The following KCNH7 variants were observed in gnomAD, a reference collection of about 807,000 sequenced individuals.
KCNH7 encodes voltage-gated inwardly rectifying potassium channel KCNH7.
KCNH7 carries 49 observed loss-of-function variants against 120.8 expected under a neutral mutation model. The observed-to-expected ratio is 0.41, with a 90% CI of 0.32 to 0.51. The LOEUF (loss-of-function observed/expected upper bound fraction) is 0.51. Ranked by LOEUF, KCNH7 falls within the 20% of genes least tolerant of loss-of-function variation. The probability of loss-of-function intolerance (pLI) is 0.38; values close to 1 mark genes in which losing one functional copy is unlikely to be tolerated. For synonymous variants in KCNH7, 547 were observed against 516.1 expected, an observed-to-expected ratio of 1.06 and a Z score of -0.81; for missense variants, 1,097 against 1,446.6, an observed-to-expected ratio of 0.76 and a Z score of 3.92.
At chr2:162,566,976 GACA>G (rs1044546391) in intron 2 of KCNH7, among the ~76,000 whole-genome samples, 2 of 151,988 alleles carry the variant, frequency 1.3e-5, no homozygotes, top group Non-Finnish European at 2.9e-5. Flanking sequence ...ATTAATACAT[GACA>G]ACAGTGCAAT....
intron 2 of KCNH7, among the ~76,000 whole-genome samples, chr2:162,694,775 G>A (rs896390183): frequency 1.3e-5 from 2 of 150,922 alleles, no homozygotes; most frequent in East Asian, 1.9e-4. Flanking sequence ...ACGGAGTCTC[G>A]CTCTGTTGGC....
Position 162,536,945 on chromosome 2 carries a change from A to G in KCNH7, c.443T>C (p.Leu148Ser). The change falls in exon 3 of 16, where the codon TTA (leucine) becomes TCA (serine). Residue 148 changes from leucine (L) to serine (S), a missense_variant. By Grantham distance (145) the Leu-to-Ser change is moderately radical. Around this residue, in one of 8 missense-constraint regions of KCNH7, gnomAD observed 362 missense variants for 372.2 expected, o/e 0.97. Transcript: ENST00000332142. ...CTTACGGTTTACAGTTTTGATTGGT[A>G]ATATTGGGTTTACCCTCTCTGGGGT... Reference protein sequence around the residue: ...AATPERVNPILPIKTVNRKFF... With the variant: ...AATPERVNPISPIKTVNRKFF... 1 of 1,612,710 alleles carries G rather than the reference A, an allele frequency of 6.2e-7. No individual in the cohort carries two copies.
chr2:162,720,336 G>T (rs571329930), intron 2 of KCNH7, among the ~76,000 whole-genome samples: 1 of 150,578 alleles, frequency 6.6e-6, no homozygotes, highest in Non-Finnish European at 1.5e-5. Context: ...GAGAGAGAGG[G>T]AGAGAGAGAA....
At chr2:162,722,255 T>C (rs1231420232) in intron 2 of KCNH7, among the ~76,000 whole-genome samples, 2 of 151,128 alleles carry the variant, frequency 1.3e-5, no homozygotes, top group Non-Finnish European at 2.9e-5. Flanking sequence ...GAAGAAGAAG[T>C]CATTAAAAAT....
At chr2:162,617,345 G>A (rs1313682384) in intron 2 of KCNH7, among the ~76,000 whole-genome samples, 1 of 152,138 alleles carries the variant, frequency 6.6e-6, no homozygotes, top group Non-Finnish European at 1.5e-5. Flanking sequence ...CGGGCGTGGT[G>A]GCGGGCGCCT....
At chr2:162,634,344 A>G (rs527805635) in intron 2 of KCNH7, among the ~76,000 whole-genome samples, 1 of 152,146 alleles carries the variant, frequency 6.6e-6, no homozygotes, top group Admixed American at 6.6e-5. Flanking sequence ...GTCCTGGTAG[A>G]AGGGCATGCC....
At chr2:162,614,908 C>A (rs1031088167) in intron 2 of KCNH7, among the ~76,000 whole-genome samples, 1 of 151,462 alleles carries the variant, frequency 6.6e-6, no homozygotes, top group African/African-American at 2.4e-5. Context: ...TTCATTATAT[C>A]ATTTTTGCAT....
intron 2 of KCNH7, among the ~76,000 whole-genome samples, chr2:162,583,108 A>AC: frequency 6.6e-6 from 1 of 151,838 alleles, no homozygotes; most frequent in Non-Finnish European, 1.5e-5. Context: ...AGCTTTAAAA[A>AC]CCCCCCACTA....
chr2:162,728,103 A>C (rs1040921646), intron 2 of KCNH7, among the ~76,000 whole-genome samples: 2 of 150,918 alleles, frequency 1.3e-5, no homozygotes, highest in Admixed American at 1.3e-4. Flanking sequence ...TTTTTTTTCC[A>C]TTTTCATCAG....
Position 162,576,548 on chromosome 2 carries a change from C to T in KCNH7, c.308-39468G>A, listed in dbSNP as rs544191327. Reference sequence around the variant, plus strand: ...CTCCTTCCTTTTTACCTAATCTTAACATTTGCTCTCATTTAAATCTATTTT... The same window carrying T: ...CTCCTTCCTTTTTACCTAATCTTAATATTTGCTCTCATTTAAATCTATTTT... On this transcript the variant is annotated intron_variant, in intron 2 of 15. Coordinates refer to ENST00000332142, the MANE Select transcript of KCNH7 (RefSeq NM_033272.4). Among the ~76,000 whole-genome samples, 8 of 152,148 alleles carry T rather than the reference C, an allele frequency of 5.3e-5. No homozygotes were observed. In the South Asian group the frequency reaches 1.7e-3, roughly 32 times the overall value.
intron 2 of KCNH7, among the ~76,000 whole-genome samples, chr2:162,622,173 G>A (rs1452590533): frequency 1.3e-5 from 2 of 152,286 alleles, no homozygotes; most frequent in Non-Finnish European, 2.9e-5. Context: ...ATACTTCTGT[G>A]TGTGCTGCCC....
chr2:162,696,465 C>T (rs572987386), intron 2 of KCNH7, among the ~76,000 whole-genome samples: 187 of 152,092 alleles, frequency 1.2e-3, no homozygotes, highest in Non-Finnish European at 2.1e-3. Flanking sequence ...TCAATAATGA[C>T]CATAGTAATT....
chr2:162,489,364 G>A (rs1481902928), intron 6 of KCNH7, among the ~76,000 whole-genome samples: 2 of 151,838 alleles, frequency 1.3e-5, no homozygotes, highest in African/African-American at 4.8e-5. Flanking sequence ...ACTAATGATA[G>A]CCGATGAGCT....
chr2:162,663,847 T>C (rs915575417), intron 2 of KCNH7, among the ~76,000 whole-genome samples: 1 of 152,098 alleles, frequency 6.6e-6, no homozygotes, highest in South Asian at 2.1e-4. Flanking sequence ...CAAGGAAAGG[T>C]GAAACAGAAG....
At chr2:162,651,677 T>C (rs1366581099) in intron 2 of KCNH7, among the ~76,000 whole-genome samples, 1 of 152,104 alleles carries the variant, frequency 6.6e-6, no homozygotes, top group African/African-American at 2.4e-5. Flanking sequence ...TGTGCATGGG[T>C]GTTTACGGTA....
intron 2 of KCNH7, among the ~76,000 whole-genome samples, chr2:162,667,705 T>G (rs570627055): frequency 6.6e-6 from 1 of 152,332 alleles, no homozygotes; most frequent in African/African-American, 2.4e-5. Context: ...AATTCCTAGA[T>G]AAATCAGGTC....
chr2:162,681,483 CTA>C (rs1559079275), intron 2 of KCNH7, among the ~76,000 whole-genome samples: 1 of 151,666 alleles, frequency 6.6e-6, no homozygotes, highest in African/African-American at 2.4e-5. Context: ...GCACTGTTCT[CTA>C]TGTATATTTC....
intron 6 of KCNH7, among the ~76,000 whole-genome samples, chr2:162,496,227 C>A (rs1055719345): frequency 6.6e-6 from 1 of 152,146 alleles, no homozygotes; most frequent in African/African-American, 2.4e-5. Flanking sequence ...GGGGTCTCCA[C>A]TCCTGAAGAA....
chr2:162,561,665 T>A (rs556944268), intron 2 of KCNH7, among the ~76,000 whole-genome samples: 21 of 152,314 alleles, frequency 1.4e-4, no homozygotes, highest in African/African-American at 4.1e-4. Context: ...TTTTTTCATA[T>A]GTTCGTTGGT....
Sources: gnomAD v4.1 joint callset for allele counts (sites outside exome capture counted in the v4.1 genomes callset) on GRCh38, gnomAD v4.1.1 for gene constraint, gnomAD v4.1.1 regional missense constraint, MANE v1.5 for transcripts, NCBI Gene and HGNC (gene_info 2026-07-23, HGNC 2026-07-21) for gene names.